The following CASP8 variants were observed in gnomAD, a reference collection of about 807,000 sequenced individuals.
The protein encoded by CASP8 is caspase-8.
Under a neutral mutation model 46.3 loss-of-function variants are expected in CASP8, and 24 were observed. That is an observed-to-expected ratio of 0.52 (90% CI 0.38 to 0.73). The LOEUF is 0.73. Ranked by LOEUF, CASP8 falls within the 30% of genes least tolerant of loss-of-function variation. CASP8 has a pLI of 0.00. For synonymous variants in CASP8, 188 were observed against 200.4 expected (o/e 0.94, Z 0.52); for missense variants, 460 against 559.0 (o/e 0.82, Z 1.79).
upstream of CASP8, among the ~76,000 whole-genome samples, chr2:201,255,619 G>C (rs139705220): frequency 6.6e-6 from 1 of 152,266 alleles, no homozygotes; most frequent in African/African-American, 2.4e-5. Flanking sequence ...ACACTCCTGA[G>C]TTCATGCACT....
At chr2:201,274,346 G>T (rs923740536) in intron 5 of CASP8, among the ~76,000 whole-genome samples, 1 of 152,128 alleles carries the variant, frequency 6.6e-6, no homozygotes, top group Non-Finnish European at 1.5e-5. Context: ...GCATTTCTTG[G>T]TATGTTTTTC....
chr2:201,261,413 T>A lies in CASP8; in HGVS notation c.-27+800T>A, dbSNP rs200752799. 2.3e-3 allele frequency among the ~76,000 whole-genome samples: 317 copies of A among 139,174 alleles called. 4 individuals are homozygous for A. In the East Asian group the frequency reaches 0.038, roughly 17 times the overall value. 91.3% of individuals were successfully genotyped at this position (139,174 alleles called of 152,430 possible). On this transcript the variant is annotated intron_variant, in intron 1 of 8. Transcript: ENST00000673742. ...TCTCAAAAAAAAAAAAAAAAAAAAATTAAAAAGATACAGAACAGTTCAAAA... is the reference window on the plus strand; with the variant it reads ...TCTCAAAAAAAAAAAAAAAAAAAAAATAAAAAGATACAGAACAGTTCAAAA...
chr2:201,252,501 C>G (rs553252002), intron 2 of CASP8, among the ~76,000 whole-genome samples: 65 of 152,312 alleles, frequency 4.3e-4, no homozygotes, highest in Non-Finnish European at 8.2e-4. Context: ...GTCTGGATCA[C>G]TTGACCTCGT....
intron 1 of CASP8, among the ~76,000 whole-genome samples, chr2:201,261,034 C>T (rs551593796): frequency 1.6e-4 from 24 of 152,268 alleles, no homozygotes; most frequent in African/African-American, 5.3e-4. Flanking sequence ...CCAACATAAA[C>T]GCACACACAC....
Position 201,286,841 on chromosome 2 carries a change from G to A in CASP8, c.*247G>A, listed in dbSNP as rs1949587411. 1 of 410,804 alleles carries A rather than the reference G, an allele frequency of 2.4e-6. No homozygotes were observed. The highest frequency in any genetic ancestry group is 4.6e-6 in the Non-Finnish European group (1 of 217,318). The allele number at this position is 410,804 out of a possible 1,614,324, so 25.4% of individuals were successfully genotyped here. On this transcript the variant is annotated 3_prime_UTR_variant, in exon 9 of 9. Coordinates refer to ENST00000673742, the MANE Select transcript of CASP8 (RefSeq NM_001372051.1). ...TCACTGTGTTAGCCAGGGTGGTCTT[G>A]ATCTCCTGACCTCGTGATCCACCCA...
intron 7 of CASP8, among the ~76,000 whole-genome samples, chr2:201,282,085 C>A (rs1301913638): frequency 1.5e-5 from 1 of 68,304 alleles, no homozygotes; most frequent in African/African-American, 4.9e-5. Context: ...ACCCTGCGGC[C>A]TTCCGCAGTG....
At chr2:201,285,800 C>T (rs1672872056) in intron 8 of CASP8, among the ~76,000 whole-genome samples, 1 of 152,216 alleles carries the variant, frequency 6.6e-6, no homozygotes, top group Non-Finnish European at 1.5e-5. Flanking sequence ...AGCAAACCAT[C>T]CTCAAAACCT....
chr2:201,245,790 C>T (rs1044672403), intron 2 of CASP8, among the ~76,000 whole-genome samples: 3 of 152,114 alleles, frequency 2.0e-5, no homozygotes, highest in Non-Finnish European at 4.4e-5. Context: ...GCTGGGCTTC[C>T]GCTTTGCTGC....
upstream of CASP8, chr2:201,258,109 C>T: frequency 2.7e-6 from 3 of 1,111,072 alleles, no homozygotes; most frequent in South Asian, 1.3e-5. Context: ...CTCTTTCTCT[C>T]GGAGACCAGA....
At chr2:201,246,910 A>G (rs927550100) in intron 2 of CASP8, among the ~76,000 whole-genome samples, 2 of 152,048 alleles carry the variant, frequency 1.3e-5, no homozygotes, top group African/African-American at 4.8e-5. Flanking sequence ...TTTTAGGAAG[A>G]AGTTGTCTGG....
chr2:201,279,247 A>G (rs1948844279), intron 7 of CASP8, among the ~76,000 whole-genome samples: 2 of 152,246 alleles, frequency 1.3e-5, no homozygotes, highest in Admixed American at 6.5e-5. Flanking sequence ...TACCATCATA[A>G]GGAACAGGAA....
At position 201,245,864 on chromosome 2, in the gene CASP8, C is replaced by CTTTTT. The variant is rs60096366; in HGVS notation, c.-27+11768_-27+11772dup. On this transcript the variant is annotated intron_variant, in intron 2 of 6. Coordinates refer to the CASP8 transcript ENST00000264274. ...TTTCTGTTGCTTTTCCTTGTTTGTT[C>CTTTTT]TTTTTTTTTTTTTTTTTTTTGAGAC... Among the ~76,000 whole-genome samples, 447 of 124,386 alleles carry CTTTTT rather than the reference C, an allele frequency of 3.6e-3. 9 individuals are homozygous for CTTTTT. Among genetic ancestry groups the CTTTTT allele is most frequent in the African/African-American group, 0.013 (406 of 30,456 alleles). 81.6% of individuals were successfully genotyped at this position (124,386 alleles called of 152,430 possible).
rs1185745836 is a variant in CASP8 at position 201,243,795 on chromosome 2, C to T, written c.-27+9683C>T. ...TTAATACGCATAACAGCATGGCTGT[C>T]CCGAGGCATACAGGAGGCGATGGGC... On this transcript the variant is annotated intron_variant, in intron 2 of 6. Coordinates refer to the CASP8 transcript ENST00000264274. Among the ~76,000 whole-genome samples the T allele has an allele frequency of 3.9e-5, 6 of 152,156 alleles. 1 individual carries two copies. In the South Asian group the frequency reaches 1.0e-3, roughly 26 times the overall value.
chr2:201,247,927 A>G (rs1946610890), intron 2 of CASP8, among the ~76,000 whole-genome samples: 1 of 152,138 alleles, frequency 6.6e-6, no homozygotes, highest in African/African-American at 2.4e-5. Context: ...TACAGGCGTG[A>G]GCCACTGCGC....
At chr2:201,249,250 G>A (rs943420853) in intron 2 of CASP8, among the ~76,000 whole-genome samples, 2 of 152,140 alleles carry the variant, frequency 1.3e-5, no homozygotes, top group African/African-American at 4.8e-5. Context: ...ATTTTGTGTG[G>A]GTAGGAAATC....
chr2:201,236,250 C>T (rs145393205), intron 2 of CASP8, among the ~76,000 whole-genome samples: 193 of 152,290 alleles, frequency 1.3e-3, no homozygotes, highest in Admixed American at 1.4e-3. Context: ...CTTGCTTTAG[C>T]GGCATCCCAT....
At chr2:201,262,504 G>A (rs1343207733) in intron 1 of CASP8, among the ~76,000 whole-genome samples, 2 of 151,434 alleles carry the variant, frequency 1.3e-5, no homozygotes, top group Admixed American at 6.6e-5. Flanking sequence ...GTATTACATG[G>A]CAACATATTC....
At chr2:201,277,701 CA>C (rs1948724672) in intron 7 of CASP8, 2 of 432,792 alleles carry the variant, frequency 4.6e-6, no homozygotes, top group South Asian at 1.6e-5. Flanking sequence ...CCCCTATTAA[CA>C]TTTTTTTTTT....
Position 201,276,913 on chromosome 2 carries a change from G to A in CASP8, c.747G>A (p.Glu249=). The A allele has an allele frequency of 6.2e-7, 1 of 1,614,114 alleles. No homozygotes were observed. The highest frequency in any genetic ancestry group is 2.2e-5 in the East Asian group (1 of 44,884). ...INNHNFAKAR[E]KVPKLHSIRD... The stretch of plus-strand genomic sequence containing the variant: ...ATCACAATTTTGCAAAAGCACGGGA[G>A]AAAGTGCCCAAACTTCACAGCATTA... Residue 249 remains glutamate (E), a synonymous_variant, in exon 7 of 9, where the codon GAG becomes GAA. Coordinates refer to ENST00000673742, the MANE Select transcript of CASP8 (RefSeq NM_001372051.1).
Sources: allele counts gnomAD v4.1 joint callset (sites outside exome capture counted in the v4.1 genomes callset), GRCh38; gene constraint gnomAD v4.1.1; transcripts MANE v1.5; gene names NCBI Gene and HGNC (gene_info 2026-07-23, HGNC 2026-07-21).